The following LRBA variants were observed in gnomAD, a reference collection of about 807,000 sequenced individuals.
LRBA encodes the protein LPS responsive beige-like anchor protein, also known as lipopolysaccharide-responsive and beige-like anchor protein.
LRBA carries 176 observed loss-of-function variants against 330.0 expected under a neutral mutation model. The observed-to-expected ratio is 0.53, with a 90% CI of 0.47 to 0.60. LRBA has a LOEUF of 0.60. LRBA is among the 20% of genes least tolerant of loss of function. The pLI is 0.00. For synonymous variants in LRBA, 1,230 were observed against 1,193.0 expected, an observed-to-expected ratio of 1.03 and a Z score of -0.64; for missense variants, 3,259 against 3,444.8, an observed-to-expected ratio of 0.95 and a Z score of 1.35.
At chr4:150,366,034 A>G (rs111422007) in intron 47 of LRBA, among the ~76,000 whole-genome samples, 2 of 152,216 alleles carry the variant, frequency 1.3e-5, no homozygotes, top group African/African-American at 4.8e-5. Context: ...TATTGATTAG[A>G]TTTTTTTATT....
chr4:150,361,545 ACT>A (rs1445957275), intron 47 of LRBA, among the ~76,000 whole-genome samples: 1 of 151,388 alleles, frequency 6.6e-6, no homozygotes, highest in Non-Finnish European at 1.5e-5. Context: ...CTCGCTTGAC[ACT>A]CTCTCTCCAG....
chr4:150,671,033 TGTGTGTGTGA>T (rs983265269), intron 37 of LRBA, among the ~76,000 whole-genome samples: 4 of 147,638 alleles, frequency 2.7e-5, no homozygotes, highest in South Asian at 2.2e-4. Flanking sequence ...TGTGTGTGTG[TGTGTGTGTGA>T]GAGAGAGAGA....
rs546468631 is a variant in LRBA at position 150,805,622 on chromosome 4, A to AG, written c.5518+648_5518+649insC. On this transcript the variant is annotated intron_variant, in intron 33 of 56. Transcript: ENST00000651943. ...AAAGGAAAAGAAAGGAAAGGAAAGG[A>AG]AAGGAGAAGGAGAAGGAAAGGAAAG... Among the ~76,000 whole-genome samples the AG allele has an allele frequency of 4.9e-4, 70 of 142,306 alleles. 1 individual carries two copies. In the East Asian group the frequency reaches 0.011, roughly 21 times the overall value. The allele number at this position is 142,306 out of a possible 152,430, so 93.4% of individuals were successfully genotyped here.
intron 2 of LRBA, among the ~76,000 whole-genome samples, chr4:151,009,983 AAAATAAATAAAT>A (rs70941466): frequency 6.6e-6 from 1 of 150,976 alleles, no homozygotes. Flanking sequence ...CCATCTCAAA[AAAATAAATAAAT>A]AAATAAATAA....
chr4:150,387,702 A>G (rs1460628964), intron 47 of LRBA, among the ~76,000 whole-genome samples: 2 of 152,148 alleles, frequency 1.3e-5, no homozygotes, highest in Admixed American at 6.6e-5. Context: ...GGAGTCAGGG[A>G]AAAAAGTTCC....
chr4:150,751,559 A>T lies in LRBA; in HGVS notation c.5645+10224T>A, dbSNP rs569688039. ...TAATAGCTGTGTAAACTATTCTTTC[A>T]AAAAAGAATTAAAGGTAAATTAAAG... On this transcript the variant is annotated intron_variant, in intron 35 of 56. Transcript: ENST00000651943. Among the ~76,000 whole-genome samples, 10 of 152,262 alleles carry T rather than the reference A, an allele frequency of 6.6e-5. No homozygotes were observed. The East Asian group carries it at 1.9e-3, about 29-fold the overall frequency.
intron 42 of LRBA, among the ~76,000 whole-genome samples, chr4:150,487,150 C>T (rs1259030693): frequency 6.6e-6 from 1 of 151,438 alleles, no homozygotes; most frequent in Non-Finnish European, 1.5e-5. Context: ...TAGATATATA[C>T]CCAGTAGTGG....
At chr4:150,310,530 A>G (rs2126880286) in intron 51 of LRBA, 146 bp from the exon 52 acceptor site, 1 of 524,286 alleles carries the variant, frequency 1.9e-6, no homozygotes, top group East Asian at 3.0e-5. Context: ...GTAGGAAAAC[A>G]TATCCAATTG....
intron 46 of LRBA, among the ~76,000 whole-genome samples, chr4:150,433,389 A>T (rs1453292768): frequency 1.3e-5 from 2 of 152,200 alleles, no homozygotes; most frequent in Admixed American, 6.5e-5. Flanking sequence ...CAAAATCACT[A>T]GCATCTATCA....
chr4:150,868,607 ACT>A (rs1319772771), intron 20 of LRBA, among the ~76,000 whole-genome samples: 1 of 152,144 alleles, frequency 6.6e-6, no homozygotes, highest in Non-Finnish European at 1.5e-5. Context: ...GAAACTGCTT[ACT>A]CTCTCTGAGA....
intron 17 of LRBA, among the ~76,000 whole-genome samples, chr4:150,881,765 A>G (rs1377745962): frequency 6.6e-6 from 1 of 152,240 alleles, no homozygotes; most frequent in Non-Finnish European, 1.5e-5. Context: ...TCCTTGCTAT[A>G]GCTTAACTCA....
At chr4:150,305,727 C>T (rs1432036193) in intron 52 of LRBA, among the ~76,000 whole-genome samples, 1 of 152,158 alleles carries the variant, frequency 6.6e-6, no homozygotes, top group Admixed American at 6.5e-5. Context: ...TATATGTTAA[C>T]ACAAATTAAC....
chr4:150,672,214 T>C (rs919272182), intron 37 of LRBA, among the ~76,000 whole-genome samples: 18 of 152,260 alleles, frequency 1.2e-4, no homozygotes, highest in African/African-American at 3.8e-4. Context: ...ATCAGAATCC[T>C]GGGAAAGGTG....
intron 33 of LRBA, among the ~76,000 whole-genome samples, chr4:150,805,318 G>A (rs1434539647): frequency 1.6e-5 from 2 of 121,332 alleles, no homozygotes; most frequent in Admixed American, 1.0e-4. Context: ...GGAAAGGAAA[G>A]GAAAGGAAAG....
intron 8 of LRBA, among the ~76,000 whole-genome samples, chr4:150,914,846 T>C (rs1205798269): frequency 6.6e-6 from 1 of 152,146 alleles, no homozygotes; most frequent in Non-Finnish European, 1.5e-5. Context: ...TAAGGCGCGC[T>C]GCTAATAGAT....
chr4:150,654,723 G>A (rs958688245), intron 37 of LRBA, among the ~76,000 whole-genome samples: 5 of 152,024 alleles, frequency 3.3e-5, no homozygotes, highest in Admixed American at 1.3e-4. Flanking sequence ...GCCCCAGTGC[G>A]TGATGTTCCC....
At chr4:150,346,522 G>A (rs1736328831) in intron 48 of LRBA, among the ~76,000 whole-genome samples, 1 of 151,870 alleles carries the variant, frequency 6.6e-6, no homozygotes, top group African/African-American at 2.4e-5. Flanking sequence ...AGCACTGTGG[G>A]GGGCCAAGGC....
chr4:150,515,072 A>T (rs1305901594), intron 40 of LRBA, among the ~76,000 whole-genome samples: 1 of 152,214 alleles, frequency 6.6e-6, no homozygotes, highest in African/African-American at 2.4e-5. Flanking sequence ...TTAATGCTGA[A>T]AACTTAAAAA....
chr4:150,820,023 T>C (rs1424149455), intron 30 of LRBA, among the ~76,000 whole-genome samples: 1 of 152,052 alleles, frequency 6.6e-6, no homozygotes, highest in Non-Finnish European at 1.5e-5. Context: ...ATGCCTCCTC[T>C]GCCAAGATGC....
Sources: allele counts gnomAD v4.1 joint callset (sites outside exome capture counted in the v4.1 genomes callset), GRCh38; gene constraint gnomAD v4.1.1; transcripts MANE v1.5; gene names NCBI Gene and HGNC (gene_info 2026-07-23, HGNC 2026-07-21).